The following UGT1A8 variants were observed in gnomAD, a reference collection of about 807,000 sequenced individuals.
UGT1A8 encodes UDP-glucuronosyltransferase 1A8.
A neutral mutation model predicts 45.3 loss-of-function variants in UGT1A8; 39 were observed. That is an observed-to-expected ratio of 0.86 (90% CI 0.67 to 1.12). The LOEUF (loss-of-function observed/expected upper bound fraction) is 1.12. UGT1A8 is among the 50% of genes most tolerant of loss of function. UGT1A8 has a pLI of 0.00. For missense variants in UGT1A8, 719 were observed against 664.9 expected, an observed-to-expected ratio of 1.08 and a Z score of -0.90; for synonymous variants, 275 against 249.2, an observed-to-expected ratio of 1.10 and a Z score of -0.97.
intron 1 of UGT1A8, among the ~76,000 whole-genome samples, chr2:233,692,510 T>C (rs1457280263): frequency 1.3e-5 from 2 of 152,160 alleles, no homozygotes; most frequent in Non-Finnish European, 2.9e-5. Context: ...CCTTAACCTG[T>C]GGGGTCCGTG....
chr2:233,754,728 C>T (rs964525273), intron 1 of UGT1A8: 1 of 620,812 alleles, frequency 1.6e-6, no homozygotes, highest in African/African-American at 1.9e-5. Context: ...TGTCCCATCA[C>T]TACCGTAGGA....
chr2:233,747,595 G>A lies in UGT1A8; in HGVS notation c.856-19439G>A, dbSNP rs188498977. 1.9e-6 allele frequency: 3 copies of A among 1,576,476 alleles called. 1 individual carries two copies. In the African/African-American group the frequency reaches 4.1e-5, roughly 21 times the overall value. ...TCATCTTTGGTCTTTCATAGGTCTT[G>A]TGTGGAGCTACTGCATAATGAGGCC... On this transcript the variant is annotated intron_variant, in intron 1 of 4. Coordinates refer to ENST00000373450, the MANE Select transcript of UGT1A8 (RefSeq NM_019076.5).
chr2:233,649,287 T>C (rs2073681298), intron 1 of UGT1A8, among the ~76,000 whole-genome samples: 1 of 152,238 alleles, frequency 6.6e-6, no homozygotes, highest in Non-Finnish European at 1.5e-5. Context: ...AGTATTGCTA[T>C]GGTGCCCTGG....
chr2:233,686,482 A>G (rs2074791293), intron 1 of UGT1A8, among the ~76,000 whole-genome samples: 1 of 152,024 alleles, frequency 6.6e-6, no homozygotes, highest in Non-Finnish European at 1.5e-5. Context: ...TTCCTATGAA[A>G]CTTTCTGAAC....
chr2:233,735,700 G>T (rs940691560), intron 1 of UGT1A8, among the ~76,000 whole-genome samples: 1 of 151,948 alleles, frequency 6.6e-6, no homozygotes, highest in African/African-American at 2.4e-5. Context: ...TGTAAGGCAG[G>T]CCTGGTGGTG....
intron 1 of UGT1A8, chr2:233,719,738 A>T (rs1455420769): frequency 1.7e-5 from 27 of 1,613,220 alleles, no homozygotes; most frequent in Non-Finnish European, 2.2e-5. Flanking sequence ...AACACTTTTT[A>T]AAAAATGTAT....
intron 1 of UGT1A8, among the ~76,000 whole-genome samples, chr2:233,670,577 A>G (rs991947307): frequency 1.3e-5 from 2 of 152,174 alleles, no homozygotes; most frequent in African/African-American, 2.4e-5. Flanking sequence ...CTTCTTTAGT[A>G]TCTGGTACTG....
chr2:233,680,788 G>A (rs1300434869), intron 1 of UGT1A8, among the ~76,000 whole-genome samples: 1 of 152,150 alleles, frequency 6.6e-6, no homozygotes, highest in East Asian at 1.9e-4. Flanking sequence ...TGATTGGGGT[G>A]GGCCCATAGC....
chr2:233,710,037 T>C (rs1170138686), intron 1 of UGT1A8, among the ~76,000 whole-genome samples: 1 of 152,272 alleles, frequency 6.6e-6, no homozygotes, highest in Non-Finnish European at 1.5e-5. Context: ...CTGTTTTGTG[T>C]CTGGCCTCTT....
chr2:233,759,541 C>A (rs1020987350), intron 1 of UGT1A8, among the ~76,000 whole-genome samples: 1 of 152,092 alleles, frequency 6.6e-6, no homozygotes, highest in Non-Finnish European at 1.5e-5. Flanking sequence ...TGTTCACATG[C>A]GCTCCAGTGA....
chr2:233,762,605 G>T (rs1247129136), intron 1 of UGT1A8, among the ~76,000 whole-genome samples: 1 of 152,120 alleles, frequency 6.6e-6, no homozygotes, highest in Non-Finnish European at 1.5e-5. Flanking sequence ...TATTCCAGGA[G>T]TTTTGTTGTT....
intron 1 of UGT1A8, among the ~76,000 whole-genome samples, chr2:233,737,292 G>T (rs573133918): frequency 6.6e-6 from 1 of 152,194 alleles, no homozygotes; most frequent in Non-Finnish European, 1.5e-5. Flanking sequence ...CCAGGCTGCC[G>T]CCTCACAGTT....
intron 1 of UGT1A8, chr2:233,647,790 G>C: frequency 6.0e-6 from 4 of 663,878 alleles, no homozygotes; most frequent in Admixed American, 5.8e-5. Context: ...TAATCAGTCT[G>C]GGTAGAGATT....
chr2:233,665,773 A>G (rs1172119823), intron 1 of UGT1A8, among the ~76,000 whole-genome samples: 2 of 152,228 alleles, frequency 1.3e-5, no homozygotes, highest in Non-Finnish European at 2.9e-5. Flanking sequence ...CAATACAGGA[A>G]GTATTTTATT....
chr2:233,758,873 T>C (rs944299191), intron 1 of UGT1A8, among the ~76,000 whole-genome samples: 1 of 152,218 alleles, frequency 6.6e-6, no homozygotes, highest in Non-Finnish European at 1.5e-5. Context: ...ACTTGCCCCA[T>C]AGTCCATGGT....
intron 1 of UGT1A8, among the ~76,000 whole-genome samples, chr2:233,762,131 A>T (rs1026156979): frequency 6.6e-6 from 1 of 152,036 alleles, no homozygotes; most frequent in East Asian, 1.9e-4. Context: ...CCATGTGGGG[A>T]CCTGTGTGAC....
chr2:233,666,685 CATGTGCACAATGTGCAGGTTAGT>C (rs1371754460), intron 1 of UGT1A8, among the ~76,000 whole-genome samples: 5 of 151,282 alleles, frequency 3.3e-5, no homozygotes, highest in African/African-American at 1.2e-4. Flanking sequence ...TTTTAGAGTA[CATGTGCACAATGTGCAGGTTAGT>C]TACATATGTA....
At position 233,618,062 on chromosome 2, in the gene UGT1A8, T is replaced by A. The variant is rs2072935351; in HGVS notation, c.355T>A (p.Leu119Ile). 1.2e-6 allele frequency: 2 copies of A among 1,613,870 alleles called. No homozygotes were observed. The highest frequency in any genetic ancestry group is 1.6e-4 in the Middle Eastern group (1 of 6,084). ...FLSSSNGFFN[L>I]FFSHCRSLFN... ...GAGTTCATCCAATGGTTTTTTTAAC[T>A]TATTTTTTTCGCATTGCAGGAGTTT... The change falls in exon 1 of 5, where the codon TTA becomes ATA. Residue 119 changes from leucine (L) to isoleucine (I), a missense_variant. Transcript: ENST00000373450.
At chr2:233,767,402 C>T (rs1699387838) in intron 2 of UGT1A8, among the ~76,000 whole-genome samples, 1 of 152,122 alleles carries the variant, frequency 6.6e-6, no homozygotes, top group Non-Finnish European at 1.5e-5. Flanking sequence ...ATCATTTTCT[C>T]TAAGAGACTC....
Sources: allele counts gnomAD v4.1 joint callset (sites outside exome capture counted in the v4.1 genomes callset), GRCh38; gene constraint gnomAD v4.1.1; transcripts MANE v1.5; gene names NCBI Gene and HGNC (gene_info 2026-07-23, HGNC 2026-07-21).